Variants in SLBP observed in about 807,000 individuals in gnomAD.
SLBP encodes histone RNA hairpin-binding protein.
A neutral mutation model predicts 39.2 loss-of-function variants in SLBP; 29 were observed. That is an observed-to-expected ratio of 0.74 (90% CI 0.55 to 1.01). SLBP has a LOEUF of 1.01. Among genes scored for constraint, SLBP ranks in the 50% least tolerant of loss-of-function variants. The pLI, the probability that SLBP is intolerant of heterozygous loss-of-function variation, is 0.00. For synonymous variants in SLBP, 129 were observed against 118.7 expected (o/e 1.09, Z -0.57); for missense variants, 390 against 350.2 (o/e 1.11, Z -0.91).
At chr4:1,699,494 A>C in intron 5 of SLBP, 70 bp downstream of exon 5, 9 of 1,508,026 alleles carry the variant, frequency 6.0e-6, no homozygotes, top group African/African-American at 1.4e-5. Flanking sequence ...TGTACTACCC[A>C]ATCTAAGCAA....
chr4:1,697,557 C>T (rs930765977), intron 5 of SLBP, among the ~76,000 whole-genome samples: 4 of 150,012 alleles, frequency 2.7e-5, no homozygotes, highest in African/African-American at 4.9e-5. Flanking sequence ...AAGCACTATC[C>T]GGGCCGGGTG....
Position 1,693,676 on chromosome 4 carries a change from A to C in SLBP, c.734T>G (p.Met245Arg), listed in dbSNP as rs775131811. 1 of 1,613,878 alleles carries C rather than the reference A, an allele frequency of 6.2e-7. No individual in the cohort carries two copies. Among genetic ancestry groups the C allele is most frequent in the South Asian group, 1.1e-5 (1 of 91,076 alleles). The change falls in exon 8 of 8, where the codon ATG becomes AGG. Residue 245 changes from methionine to arginine, a missense_variant. Physicochemically the swap from Met to Arg is moderately conservative, Grantham distance 91. Transcript: ENST00000489418. ...AAACTCATCCTCCACTTGACTGTCC[A>C]TGTGTCTCACCTTGGTGGGTGTGCC... is the stretch of plus-strand genomic sequence containing the variant. ...YSGTPTKVRH[M>R]DSQVEDEFDL...
intron 2 of SLBP, among the ~76,000 whole-genome samples, chr4:1,705,768 G>A (rs778277444): frequency 6.6e-5 from 10 of 152,172 alleles, no homozygotes; most frequent in Non-Finnish European, 1.2e-4. Flanking sequence ...GTGCTAATAT[G>A]CAGTATTTAT....
At chr4:1,711,342 C>A (rs113082018) in intron 2 of SLBP, among the ~76,000 whole-genome samples, 8,621 of 151,954 alleles carry the variant, frequency 0.057, 315 homozygotes, top group Non-Finnish European at 0.074. Flanking sequence ...ACCCCAAAGC[C>A]CCTCGAGAAG....
chr4:1,703,600 C>A lies in SLBP; in HGVS notation c.277G>T (p.Ala93Ser). 2 of 1,594,670 alleles carry A rather than the reference C, an allele frequency of 1.3e-6. No homozygotes were observed. The highest frequency in any genetic ancestry group is 1.7e-4 in the Middle Eastern group (1 of 6,024). Residue 93 changes from alanine to serine, a missense_variant, in exon 3 of 8, where the codon GCA becomes TCA. Ala to Ser is a moderately conservative substitution (Grantham distance 99). Coordinates refer to ENST00000489418, the MANE Select transcript of SLBP (RefSeq NM_006527.4). ...AAGGTGGTCCAAAATGTGTACCTTG[C>A]CATTTCTTTGTTAACTCTGGTCCTC... ...EMRTRVNKEM[A>S]RYKRKLLIND... is the part of the protein sequence containing the mutation.
At chr4:1,697,473 T>C (rs1239860060) in intron 5 of SLBP, among the ~76,000 whole-genome samples, 2 of 150,536 alleles carry the variant, frequency 1.3e-5, no homozygotes, top group African/African-American at 2.4e-5. Context: ...GTCTCAAAAA[T>C]AAATAAATAA....
chr4:1,699,748 C>T, intron 4 of SLBP, 47 bp from the exon 5 acceptor site: 2 of 1,577,794 alleles, frequency 1.3e-6, no homozygotes, highest in Middle Eastern at 3.3e-4. Context: ...ATTAAGATCA[C>T]CATGTATGTA....
chr4:1,695,756 C>T (rs1716082408), intron 6 of SLBP, among the ~76,000 whole-genome samples: 1 of 150,280 alleles, frequency 6.7e-6, no homozygotes, highest in Admixed American at 6.7e-5. Context: ...ACTCCAGCCT[C>T]GGTGACAGAG....
In SLBP at chr4:1,699,576, T is replaced by G; in HGVS notation, c.467A>C (p.Lys156Thr). ...GAAACAAGACTACCTTGGGACTTCT[T>G]TAATATAACGATCGTAGGCAATTGT... ...KNTIAYDRYI[K>T]EVPRHLRQPG... The change falls in exon 5 of 8, where the codon AAA (lysine) becomes ACA (threonine). Residue 156 changes from lysine (K) to threonine (T), a missense_variant. Transcript: ENST00000489418. The G allele has an allele frequency of 6.2e-7, 1 of 1,614,008 alleles. No homozygotes were observed. Among genetic ancestry groups the G allele is most frequent in the Non-Finnish European group, 8.5e-7 (1 of 1,179,928 alleles).
intron 3 of SLBP, 67 bp from the exon 4 acceptor site, chr4:1,700,137 A>G: frequency 8.9e-7 from 1 of 1,126,526 alleles, no homozygotes. Context: ...GGTCTGAGGA[A>G]GCTCCACCCT....
chr4:1,709,808 TC>T (rs1457104667), intron 2 of SLBP, among the ~76,000 whole-genome samples: 2 of 152,234 alleles, frequency 1.3e-5, no homozygotes, highest in Non-Finnish European at 2.9e-5. Context: ...AGACGGGTTT[TC>T]ACCGTGTTAG....
chr4:1,705,505 A>C (rs1716484299), intron 2 of SLBP, among the ~76,000 whole-genome samples: 1 of 152,240 alleles, frequency 6.6e-6, no homozygotes, highest in Admixed American at 6.5e-5. Flanking sequence ...TTATTTTGTC[A>C]GATTATCATG....
intron 2 of SLBP, among the ~76,000 whole-genome samples, chr4:1,705,848 T>G (rs1233603162): frequency 6.6e-6 from 1 of 152,148 alleles, no homozygotes; most frequent in African/African-American, 2.4e-5. Flanking sequence ...TACCCAAGCA[T>G]GGTGGGGCGT....
chr4:1,701,768 G>A (rs1384103054), intron 3 of SLBP, among the ~76,000 whole-genome samples: 3 of 152,120 alleles, frequency 2.0e-5, no homozygotes, highest in Non-Finnish European at 4.4e-5. Context: ...TTAGCCGGAC[G>A]TGGTGGCACA....
At chr4:1,700,950 T>C (rs1228004701) in intron 3 of SLBP, among the ~76,000 whole-genome samples, 5 of 152,068 alleles carry the variant, frequency 3.3e-5, no homozygotes, top group Middle Eastern at 3.2e-3. Flanking sequence ...AGGTGTTCAG[T>C]GCAGTTTGGA....
At chr4:1,697,158 TAAAAAAAAAAAAAAAAA>T (rs59715153) in intron 5 of SLBP, among the ~76,000 whole-genome samples, 4 of 32,756 alleles carry the variant, frequency 1.2e-4, no homozygotes, top group African/African-American at 2.2e-4. Flanking sequence ...GACTCCACCT[TAAAAAAAAAAAAAAAAA>T]AAAAAAAAAA....
chr4:1,695,272 G>A (rs563461137), intron 6 of SLBP, among the ~76,000 whole-genome samples: 6 of 152,262 alleles, frequency 3.9e-5, no homozygotes, highest in African/African-American at 9.6e-5. Flanking sequence ...ACTTACAATC[G>A]TTTCAAACAT....
intron 3 of SLBP, among the ~76,000 whole-genome samples, chr4:1,700,541 T>C (rs147680238): frequency 2.0e-5 from 3 of 150,246 alleles, no homozygotes; most frequent in East Asian, 2.0e-4. Context: ...ACGAGCTACC[T>C]TGAGCTCCAA....
chr4:1,710,816 A>G (rs571512907), intron 2 of SLBP, among the ~76,000 whole-genome samples: 419 of 151,042 alleles, frequency 2.8e-3, no homozygotes, highest in Middle Eastern at 0.01. Context: ...TTGGGTGGCC[A>G]AGGTGGGTGG....
Sources: allele counts gnomAD v4.1 joint callset (sites outside exome capture counted in the v4.1 genomes callset), GRCh38; gene constraint gnomAD v4.1.1; transcripts MANE v1.5; gene names NCBI Gene and HGNC (gene_info 2026-07-23, HGNC 2026-07-21).